The following CTNNA3 variants were observed in gnomAD, a reference collection of about 807,000 sequenced individuals.
The protein encoded by CTNNA3 is catenin alpha-3.
Under a neutral mutation model 95.7 loss-of-function variants are expected in CTNNA3, and 76 were observed. That is an observed-to-expected ratio of 0.79 (90% CI 0.66 to 0.96). The LOEUF is 0.96. Ranked by LOEUF, CTNNA3 falls within the 40% of genes least tolerant of loss-of-function variation. CTNNA3 has a pLI of 0.00. For synonymous variants in CTNNA3, 431 were observed against 374.4 expected (o/e 1.15, Z -1.74); for missense variants, 1,191 against 1,089.8 (o/e 1.09, Z -1.31).
At chr10:66,443,791 C>T (rs2093394846) in intron 11 of CTNNA3, among the ~76,000 whole-genome samples, 1 of 152,154 alleles carries the variant, frequency 6.6e-6, no homozygotes, top group Non-Finnish European at 1.5e-5. Flanking sequence ...AGGAACACAG[C>T]TCCTCACCAG....
chr10:66,085,018 C>T (rs931407781), intron 14 of CTNNA3: 3 of 152,010 alleles, frequency 2.0e-5, no homozygotes, highest in African/African-American at 4.8e-5. Flanking sequence ...ACAAAGCCCT[C>T]CTTGAGCTGC....
In CTNNA3 at chr10:67,390,311, T is replaced by G. The variant is rs555278219; in HGVS notation, c.579+131531A>C. ...AATAAACTAGAAAATCTAGAAGAAA[T>G]GGATAAATTCCTCGACACATACACT... On this transcript the variant is annotated intron_variant, in intron 5 of 17. Coordinates refer to ENST00000433211, the MANE Select transcript of CTNNA3 (RefSeq NM_013266.4). 8.5e-5 allele frequency among the ~76,000 whole-genome samples: 13 copies of G among 152,162 alleles called. No individual in the cohort carries two copies. In the South Asian group the frequency reaches 2.7e-3, roughly 32 times the overall value.
At chr10:66,198,418 T>C (rs1400708244) in intron 13 of CTNNA3, among the ~76,000 whole-genome samples, 3 of 152,170 alleles carry the variant, frequency 2.0e-5, no homozygotes, top group Non-Finnish European at 2.9e-5. Flanking sequence ...ATTTGGTGAA[T>C]TGGTGTAGTC....
intron 5 of CTNNA3, among the ~76,000 whole-genome samples, chr10:67,495,116 T>C (rs932970057): frequency 6.6e-5 from 10 of 152,198 alleles, no homozygotes; most frequent in African/African-American, 2.2e-4. Flanking sequence ...CACCTGGCTA[T>C]GGCAGAAGTG....
At chr10:66,687,750 C>CAT (rs1418905127) in intron 9 of CTNNA3, among the ~76,000 whole-genome samples, 15 of 151,014 alleles carry the variant, frequency 9.9e-5, no homozygotes, top group African/African-American at 3.7e-4. Flanking sequence ...CACACACACA[C>CAT]ATACCACTTA....
chr10:67,627,011 T>C (rs1838979653), intron 2 of CTNNA3, among the ~76,000 whole-genome samples: 1 of 152,236 alleles, frequency 6.6e-6, no homozygotes, highest in African/African-American at 2.4e-5. Flanking sequence ...CACAGGTTTA[T>C]GCTACCTCTG....
intron 7 of CTNNA3, among the ~76,000 whole-genome samples, chr10:67,146,510 C>A (rs1033301144): frequency 1.3e-5 from 2 of 152,148 alleles, no homozygotes; most frequent in Non-Finnish European, 2.9e-5. Flanking sequence ...TTATAGCACT[C>A]ACATAAACCC....
At chr10:66,058,313 G>C (rs146703241) in intron 15 of CTNNA3, among the ~76,000 whole-genome samples, 3 of 152,092 alleles carry the variant, frequency 2.0e-5, no homozygotes, top group Admixed American at 6.6e-5. Context: ...TCTCAGGGTT[G>C]TATCTTAGAA....
At chr10:67,117,999 C>G (rs1330309073) in intron 7 of CTNNA3, among the ~76,000 whole-genome samples, 1 of 151,948 alleles carries the variant, frequency 6.6e-6, no homozygotes, top group Non-Finnish European at 1.5e-5. Flanking sequence ...AAATAATCAA[C>G]AAGAGCAAAT....
intron 5 of CTNNA3, among the ~76,000 whole-genome samples, chr10:67,419,530 T>C (rs1348706518): frequency 6.6e-6 from 1 of 152,134 alleles, no homozygotes; most frequent in African/African-American, 2.4e-5. Context: ...TCTAGTAATC[T>C]ATACAGTGTT....
rs147538949 is a variant in CTNNA3 at position 66,990,004 on chromosome 10, A to G, written c.1047+190313T>C. Among the ~76,000 whole-genome samples the G allele has an allele frequency of 9.8e-5, 15 of 152,312 alleles. No individual in the cohort carries two copies. In the East Asian group the frequency reaches 2.5e-3, roughly 25 times the overall value. On this transcript the variant is annotated intron_variant, in intron 7 of 17. Coordinates refer to ENST00000433211, the MANE Select transcript of CTNNA3 (RefSeq NM_013266.4). The stretch of plus-strand genomic sequence containing the variant: ...TATACACACATTTTCAGGCACATAT[A>G]TATTATACGAAGAGAAATGCAATAA...
chr10:66,661,327 A>G (rs1846256828), intron 9 of CTNNA3, among the ~76,000 whole-genome samples: 1 of 152,098 alleles, frequency 6.6e-6, no homozygotes, highest in Non-Finnish European at 1.5e-5. Context: ...TGGTGGCAAG[A>G]GACAAACCCC....
intron 1 of CTNNA3, among the ~76,000 whole-genome samples, chr10:67,733,459 A>G (rs1419496585): frequency 7.2e-5 from 11 of 152,190 alleles, no homozygotes; most frequent in Admixed American, 2.6e-4. Context: ...AGGGACCTTT[A>G]TTCAAGATTT....
At chr10:67,029,688 T>G (rs1853602311) in intron 7 of CTNNA3, among the ~76,000 whole-genome samples, 1 of 152,216 alleles carries the variant, frequency 6.6e-6, no homozygotes, top group Admixed American at 6.5e-5. Context: ...AGTGTGGCTC[T>G]ACTAAAGCGT....
At chr10:66,835,777 C>G (rs1330378671) in intron 7 of CTNNA3, among the ~76,000 whole-genome samples, 1 of 152,154 alleles carries the variant, frequency 6.6e-6, no homozygotes, top group Non-Finnish European at 1.5e-5. Flanking sequence ...AATCACCTAG[C>G]TCTTTCTTAG....
intron 6 of CTNNA3, among the ~76,000 whole-genome samples, chr10:67,182,447 C>T (rs1862601917): frequency 6.6e-6 from 1 of 152,074 alleles, no homozygotes; most frequent in Non-Finnish European, 1.5e-5. Flanking sequence ...AAAGGATTCC[C>T]TATTTAATAA....
chr10:67,520,491 A>G (rs1052195258), intron 5 of CTNNA3, among the ~76,000 whole-genome samples: 1 of 152,184 alleles, frequency 6.6e-6, no homozygotes, highest in Non-Finnish European at 1.5e-5. Context: ...TAAAAATTGC[A>G]TAGGCCGGAG....
At chr10:67,668,790 A>G (rs940351786) in intron 1 of CTNNA3, among the ~76,000 whole-genome samples, 13 of 150,580 alleles carry the variant, frequency 8.6e-5, no homozygotes, top group Non-Finnish European at 1.6e-4. Context: ...AGTATCTAAA[A>G]CCACAGAAAA....
At chr10:67,668,392 G>A (rs930292733) in intron 1 of CTNNA3, among the ~76,000 whole-genome samples, 2 of 152,100 alleles carry the variant, frequency 1.3e-5, no homozygotes, top group African/African-American at 4.8e-5. Flanking sequence ...GTGAATTCCT[G>A]AAACCACAGA....
Sources: gnomAD v4.1 joint callset for allele counts (sites outside exome capture counted in the v4.1 genomes callset) on GRCh38, gnomAD v4.1.1 for gene constraint, MANE v1.5 for transcripts, NCBI Gene and HGNC (gene_info 2026-07-23, HGNC 2026-07-21) for gene names.